COL22A1: variants seen among roughly 807,000 people sequenced by gnomAD.
The protein encoded by COL22A1 is collagen type XXII alpha 1 chain.
A neutral mutation model predicts 248.9 loss-of-function variants in COL22A1; 221 were observed. The observed-to-expected ratio is 0.89, with a 90% confidence interval of 0.80 to 0.99. COL22A1 has a LOEUF of 0.99. COL22A1 is among the 50% of genes least tolerant of loss of function. The pLI, the probability that COL22A1 is intolerant of heterozygous loss-of-function variation, is 0.00. For missense variants in COL22A1, 2,240 were observed against 2,179.0 expected (o/e 1.03, Z -0.56); for synonymous variants, 891 against 793.4 (o/e 1.12, Z -2.07).
chr8:138,805,529 T>C (rs111063659), intron 10 of COL22A1, among the ~76,000 whole-genome samples: 44,199 of 133,310 alleles, frequency 0.33, 7,966 homozygotes, highest in African/African-American at 0.51. Context: ...ATATGTGTGA[T>C]GGCATGTGTG....
intron 56 of COL22A1, among the ~76,000 whole-genome samples, chr8:138,611,122 A>G (rs1237886947): frequency 6.6e-6 from 1 of 152,198 alleles, no homozygotes; most frequent in Non-Finnish European, 1.5e-5. Flanking sequence ...GTTTGCACTC[A>G]TCAAGAATTT....
At chr8:138,686,838 A>G (rs893318793) in intron 37 of COL22A1, among the ~76,000 whole-genome samples, 1 of 152,236 alleles carries the variant, frequency 6.6e-6, no homozygotes, top group Non-Finnish European at 1.5e-5. Flanking sequence ...ATTAAGGAAT[A>G]CCAGATGAAT....
At chr8:138,699,258 T>C (rs939008075) in intron 32 of COL22A1, among the ~76,000 whole-genome samples, 2 of 151,890 alleles carry the variant, frequency 1.3e-5, no homozygotes, top group African/African-American at 4.8e-5. Flanking sequence ...TGCAGTGATT[T>C]TAGCACCTGA....
intron 31 of COL22A1, among the ~76,000 whole-genome samples, chr8:138,701,810 G>T (rs1281187868): frequency 6.6e-6 from 1 of 152,194 alleles, no homozygotes; most frequent in East Asian, 1.9e-4. Flanking sequence ...GGGAGCCTGT[G>T]TTCTTATCTT....
chr8:138,613,417 C>T (rs748806542), intron 56 of COL22A1, among the ~76,000 whole-genome samples: 7 of 152,174 alleles, frequency 4.6e-5, no homozygotes, highest in Non-Finnish European at 1.0e-4. Context: ...ATGATTCTGT[C>T]TCAGCCTCAG....
intron 1 of COL22A1, among the ~76,000 whole-genome samples, chr8:138,912,665 C>T (rs895360882): frequency 6.6e-6 from 1 of 152,206 alleles, no homozygotes. Context: ...ATCGCTTGAA[C>T]CCGGGAGGCA....
intron 7 of COL22A1, among the ~76,000 whole-genome samples, chr8:138,814,347 C>T (rs1818498656): frequency 1.3e-5 from 2 of 152,326 alleles, no homozygotes; most frequent in South Asian, 4.1e-4. Context: ...CTTAATTCCC[C>T]TCCCCTGGTG....
At chr8:138,710,000 C>A (rs914431971) in intron 30 of COL22A1, among the ~76,000 whole-genome samples, 1 of 152,148 alleles carries the variant, frequency 6.6e-6, no homozygotes, top group South Asian at 2.1e-4. Flanking sequence ...TTCTCAGGAA[C>A]CTGGGGGGAA....
At chr8:138,833,262 A>T in intron 4 of COL22A1, 112 bp from the exon 5 acceptor site, 1 of 725,888 alleles carries the variant, frequency 1.4e-6, no homozygotes, top group Non-Finnish European at 2.5e-6. Context: ...CCCCAGGAGA[A>T]CAGATCGGGA....
intron 27 of COL22A1, among the ~76,000 whole-genome samples, chr8:138,719,726 G>A (rs1342134021): frequency 6.6e-6 from 1 of 152,178 alleles, no homozygotes; most frequent in Non-Finnish European, 1.5e-5. Flanking sequence ...TGGGATCCAG[G>A]CCACTCCTGT....
At chr8:138,714,731 G>T (rs1406157420) in intron 30 of COL22A1, among the ~76,000 whole-genome samples, 1 of 152,158 alleles carries the variant, frequency 6.6e-6, no homozygotes, top group Non-Finnish European at 1.5e-5. Flanking sequence ...TGCCAACGAA[G>T]CCTCTCTGTG....
chr8:138,674,837 G>A (rs187223796), intron 41 of COL22A1, among the ~76,000 whole-genome samples: 64 of 152,210 alleles, frequency 4.2e-4, no homozygotes, highest in African/African-American at 1.3e-3. Context: ...CCAGCAGAAG[G>A]GGCCCTATTA....
intron 12 of COL22A1, among the ~76,000 whole-genome samples, chr8:138,787,754 G>A (rs1408596374): frequency 6.6e-6 from 1 of 152,090 alleles, no homozygotes; most frequent in African/African-American, 2.4e-5. Context: ...GCTCTGACCT[G>A]TCTTCCACCC....
chr8:138,589,107 A>G lies in COL22A1; in HGVS notation c.*146T>C. ...GGATTTAATAATTTTGAGGTCTCTC[A>G]AGAAAATAAAACAAAAAGCAAACGA... On this transcript the variant is annotated 3_prime_UTR_variant, in exon 65 of 65. Coordinates refer to ENST00000303045, the MANE Select transcript of COL22A1 (RefSeq NM_152888.3). The G allele has an allele frequency of 1.3e-6, 1 of 747,538 alleles. No individual in the cohort carries two copies. The highest frequency in any genetic ancestry group is 2.2e-6 in the Non-Finnish European group (1 of 458,134). 46.3% of individuals were successfully genotyped at this position (747,538 alleles called of 1,614,324 possible).
At chr8:138,739,263 A>G (rs1216409121) in intron 22 of COL22A1, among the ~76,000 whole-genome samples, 1 of 151,992 alleles carries the variant, frequency 6.6e-6, no homozygotes, top group Non-Finnish European at 1.5e-5. Flanking sequence ...ACCTCCAGCC[A>G]CAGTGGCCTC....
At chr8:138,730,452 A>T (rs1057175417) in intron 23 of COL22A1, among the ~76,000 whole-genome samples, 1 of 151,840 alleles carries the variant, frequency 6.6e-6, no homozygotes. Flanking sequence ...TCAGCCCTCC[A>T]CTCCAGAAAA....
In COL22A1 at chr8:138,622,179, T is replaced by C. The variant is rs148054887; in HGVS notation, c.3771+1553A>G. Among the ~76,000 whole-genome samples, 68 of 152,320 alleles carry C rather than the reference T, an allele frequency of 4.5e-4. 1 individual carries two copies. Among genetic ancestry groups the C allele is most frequent in the Non-Finnish European group, 7.1e-4 (48 of 68,034 alleles). On this transcript the variant is annotated intron_variant, in intron 52 of 64. Transcript: ENST00000303045. ...CTGCAGTTCTAGCCTCACCAGGAGC[T>C]ACAACTAGGGCAGCTGGGAAAAGTA...
chr8:138,612,398 AGAAGGATTT>A (rs1818934748), intron 56 of COL22A1, among the ~76,000 whole-genome samples: 1 of 152,146 alleles, frequency 6.6e-6, no homozygotes, highest in Non-Finnish European at 1.5e-5. Flanking sequence ...CTTAGATAAG[AGAAGGATTT>A]GCCTCTGTGC....
Position 138,589,299 on chromosome 8 carries a change from T to C in COL22A1, c.4835A>G (p.Tyr1612Cys). ...PGQCDPSQCA[Y>C]FASLAARPGN... ...CGGCCGGGCAGCAAGGCTGGCGAAG[T>C]AGGCACACTGGGAAGGGTCACATTG... The change falls in exon 65 of 65, where the codon TAC becomes TGC. Residue 1612 changes from tyrosine to cysteine, a missense_variant. Transcript: ENST00000303045. 1 of 1,613,850 alleles carries C rather than the reference T, an allele frequency of 6.2e-7. No homozygotes were observed. The highest frequency in any genetic ancestry group is 8.5e-7 in the Non-Finnish European group (1 of 1,179,852).
Sources: gnomAD v4.1 joint callset for allele counts (sites outside exome capture counted in the v4.1 genomes callset) on GRCh38, gnomAD v4.1.1 for gene constraint, MANE v1.5 for transcripts, NCBI Gene and HGNC (gene_info 2026-07-23, HGNC 2026-07-21) for gene names.